The following NECAB1 variants were observed in gnomAD, a reference collection of about 807,000 sequenced individuals.
NECAB1 encodes the protein N-terminal EF-hand calcium-binding protein 1.
In NECAB1, 29 loss-of-function variants were observed where a neutral mutation model predicts 57.5. The observed-to-expected ratio is 0.50, with a 90% confidence interval of 0.38 to 0.69. NECAB1 has a LOEUF of 0.69. Ranked by LOEUF, NECAB1 falls within the 30% of genes least tolerant of loss-of-function variation. NECAB1 has a pLI of 0.00. For missense variants in NECAB1, 372 were observed against 413.8 expected, an observed-to-expected ratio of 0.90 and a Z score of 0.88; for synonymous variants, 142 against 147.7, an observed-to-expected ratio of 0.96 and a Z score of 0.28.
At chr8:90,909,152 C>A (rs1185052781) in intron 5 of NECAB1, among the ~76,000 whole-genome samples, 1 of 152,056 alleles carries the variant, frequency 6.6e-6, no homozygotes, top group Non-Finnish European at 1.5e-5. Context: ...GTTCTCCTGT[C>A]AAGGATCACA....
intron 5 of NECAB1, among the ~76,000 whole-genome samples, chr8:90,906,398 T>TA (rs1386805551): frequency 6.6e-6 from 1 of 152,170 alleles, no homozygotes; most frequent in Non-Finnish European, 1.5e-5. Context: ...TCTCTTTTAG[T>TA]AAAAATGTGG....
At chr8:90,841,246 C>T (rs954320568) in intron 3 of NECAB1, among the ~76,000 whole-genome samples, 1 of 145,752 alleles carries the variant, frequency 6.9e-6, no homozygotes, top group Non-Finnish European at 1.5e-5. Context: ...GGTGACAGAG[C>T]GAGACTCTGT....
At chr8:90,817,569 A>C (rs1812079636) in intron 2 of NECAB1, among the ~76,000 whole-genome samples, 1 of 151,618 alleles carries the variant, frequency 6.6e-6, no homozygotes, top group African/African-American at 2.4e-5. Context: ...CAGTTGATAT[A>C]ATATGATTTT....
rs372219004 is a variant in NECAB1, at chr8:90,815,741, A to T, written c.125-8976A>T. 2.6e-4 allele frequency among the ~76,000 whole-genome samples: 39 copies of T among 152,114 alleles called. 1 individual carries two copies. In the East Asian group the frequency reaches 7.3e-3, roughly 29 times the overall value. ...TGACTTCATAGCACAACTTTTTATC[A>T]TTGTATAATATTTCATTGTGTGGAT... is the stretch of plus-strand genomic sequence containing the variant. On this transcript the variant is annotated intron_variant, in intron 2 of 12. Coordinates refer to ENST00000417640, the MANE Select transcript of NECAB1 (RefSeq NM_022351.5).
At chr8:90,901,356 CCA>C (rs1190637234) in intron 5 of NECAB1, among the ~76,000 whole-genome samples, 1 of 152,174 alleles carries the variant, frequency 6.6e-6, no homozygotes, top group African/African-American at 2.4e-5. Flanking sequence ...AGCTTTCCTT[CCA>C]GCGGTGCCCT....
intron 10 of NECAB1, among the ~76,000 whole-genome samples, chr8:90,944,357 A>G (rs2677573): frequency 0.26 from 40,197 of 151,950 alleles, 6,264 homozygotes; most frequent in East Asian, 0.61. Flanking sequence ...GGGGAGTTAC[A>G]GAGGTTTTGT....
chr8:90,906,908 T>TATATATATATA (rs1809690490), intron 5 of NECAB1, among the ~76,000 whole-genome samples: 1 of 144,124 alleles, frequency 6.9e-6, no homozygotes, highest in Admixed American at 6.9e-5. Context: ...TATATATATA[T>TATATATATATA]ATCTTCTCAC....
intron 9 of NECAB1, 99 bp from the exon 10 acceptor site, chr8:90,940,684 AATC>A: frequency 2.5e-6 from 2 of 809,718 alleles, no homozygotes; most frequent in Non-Finnish European, 4.1e-6. Flanking sequence ...TTTGGATGAC[AATC>A]ATCTGTTTTT....
At chr8:90,935,375 C>T (rs1257947210) in intron 9 of NECAB1, among the ~76,000 whole-genome samples, 4 of 152,100 alleles carry the variant, frequency 2.6e-5, no homozygotes, top group South Asian at 2.1e-4. Flanking sequence ...TACTTTACCC[C>T]GATAAGCTAG....
intron 3 of NECAB1, among the ~76,000 whole-genome samples, 195 bp from the exon 4 acceptor site, chr8:90,871,933 C>T (rs748983611): frequency 7.2e-5 from 11 of 152,094 alleles, no homozygotes; most frequent in East Asian, 3.9e-4. Flanking sequence ...ATTATTTGTC[C>T]GAAGAATCTG....
intron 2 of NECAB1, among the ~76,000 whole-genome samples, chr8:90,824,273 A>T (rs144843369): frequency 1.3e-5 from 2 of 151,956 alleles, no homozygotes; most frequent in African/African-American, 4.8e-5. Context: ...AGTTTGTTAG[A>T]CTATAATAAC....
At chr8:90,914,456 C>T (rs1360933222) in intron 5 of NECAB1, among the ~76,000 whole-genome samples, 7 of 152,046 alleles carry the variant, frequency 4.6e-5, no homozygotes, top group Non-Finnish European at 1.0e-4. Context: ...TTTTTTTCCT[C>T]CTTATCAATG....
intron 8 of NECAB1, 125 bp downstream of exon 8, chr8:90,928,424 A>T: frequency 3.2e-6 from 2 of 633,602 alleles, no homozygotes; most frequent in Non-Finnish European, 5.0e-6. Context: ...CAATGATTCT[A>T]TGAATGGCTG....
intron 3 of NECAB1, among the ~76,000 whole-genome samples, chr8:90,826,602 C>T (rs1436098987): frequency 6.6e-6 from 1 of 151,792 alleles, no homozygotes. Flanking sequence ...TTCCTCGTTA[C>T]AATTAGTATT....
At chr8:90,848,381 C>T (rs1261064125) in intron 3 of NECAB1, among the ~76,000 whole-genome samples, 2 of 152,180 alleles carry the variant, frequency 1.3e-5, no homozygotes, top group African/African-American at 2.4e-5. Flanking sequence ...TTCCTGTCTT[C>T]CTCTGAGCCA....
Position 90,955,524 on chromosome 8 carries a change from C to T in NECAB1, c.*12C>T. On this transcript the variant is annotated 3_prime_UTR_variant, in exon 13 of 13. Coordinates refer to ENST00000417640, the MANE Select transcript of NECAB1 (RefSeq NM_022351.5). ...TCCTGAACAACTAGATGTTCCTAGA[C>T]ATTTTCTTTATGGTTCCAAGTGCAA... 6.4e-7 allele frequency: 1 copy of T among 1,550,896 alleles called. No individual in the cohort carries two copies. Among genetic ancestry groups the T allele is most frequent in the Admixed American group, 2.0e-5 (1 of 51,098 alleles).
At chr8:90,917,870 A>ATATATATATATATATATATATATATG (rs1554575432) in intron 6 of NECAB1, among the ~76,000 whole-genome samples, 22 of 64,316 alleles carry the variant, frequency 3.4e-4, no homozygotes, top group African/African-American at 5.2e-4. Context: ...ATATATATAT[A>ATATATATATATATATATATATATATG]TGTGTGTGTG....
chr8:90,900,099 T>G (rs535166546), intron 5 of NECAB1, among the ~76,000 whole-genome samples: 5 of 152,302 alleles, frequency 3.3e-5, no homozygotes, highest in African/African-American at 1.2e-4. Context: ...AAACTTAGTG[T>G]TGCTGCATTT....
intron 8 of NECAB1, among the ~76,000 whole-genome samples, chr8:90,930,731 T>C (rs1810384439): frequency 6.6e-6 from 1 of 152,346 alleles, no homozygotes; most frequent in Middle Eastern, 3.4e-3. Context: ...CAAATCAACT[T>C]TCCTCCTTTC....
Sources: gnomAD v4.1 joint callset for allele counts (sites outside exome capture counted in the v4.1 genomes callset) on GRCh38, gnomAD v4.1.1 for gene constraint, MANE v1.5 for transcripts, NCBI Gene and HGNC (gene_info 2026-07-23, HGNC 2026-07-21) for gene names.